MICAL2: variants seen among roughly 807,000 people sequenced by gnomAD.
The protein encoded by MICAL2 is [F-actin]-monooxygenase MICAL2.
In MICAL2, 77 loss-of-function variants were observed where a neutral mutation model predicts 127.3. That is an observed-to-expected ratio of 0.60 (90% CI 0.50 to 0.73). The LOEUF is 0.73. MICAL2 is among the 30% of genes least tolerant of loss of function. The pLI is 0.00. For missense variants in MICAL2, 1,351 were observed against 1,434.4 expected, an observed-to-expected ratio of 0.94 and a Z score of 0.94; for synonymous variants, 570 against 551.1, an observed-to-expected ratio of 1.03 and a Z score of -0.48.
At chr11:12,124,253 C>G (rs954378229) in intron 1 of MICAL2, among the ~76,000 whole-genome samples, 7 of 152,100 alleles carry the variant, frequency 4.6e-5, no homozygotes, top group Non-Finnish European at 5.9e-5. Flanking sequence ...AAATGCTTAT[C>G]GAAGGGACCC....
At chr11:12,251,577 TAA>T (rs536942703) in intron 22 of MICAL2, among the ~76,000 whole-genome samples, 37,337 of 93,014 alleles carry the variant, frequency 0.4, 7,786 homozygotes, top group Middle Eastern at 0.47. Flanking sequence ...CATTTCACTT[TAA>T]AAAAAAAAAA....
Position 12,251,577 on chromosome 11 carries a change from TAAAAAAAAAAAA to T in MICAL2, c.2847+2347_2847+2358del, listed in dbSNP as rs536942703. ...CCTTAAGGGTGCTTCCATTTCACTT[TAAAAAAAAAAAA>T]AAAAAAAAAAAAAAAGGAATGTCAC... On this transcript the variant is annotated intron_variant, in intron 22 of 27. Coordinates refer to ENST00000683283, the MANE Select transcript of MICAL2 (RefSeq NM_001282663.2). Among the ~76,000 whole-genome samples, 26 of 93,840 alleles carry T rather than the reference TAAAAAAAAAAAA, an allele frequency of 2.8e-4. No homozygotes were observed. The South Asian group carries it at 3.6e-3, about 13-fold the overall frequency. 61.6% of individuals were successfully genotyped at this position (93,840 alleles called of 152,430 possible).
chr11:12,243,389 T>A (rs867721968), intron 20 of MICAL2: 1 of 153,194 alleles, frequency 6.5e-6, no homozygotes, highest in Non-Finnish European at 1.5e-5. Flanking sequence ...GAGTTGATAA[T>A]GAGATCCTAC....
intron 21 of MICAL2, among the ~76,000 whole-genome samples, chr11:12,245,547 A>G (rs1860621420): frequency 6.6e-6 from 1 of 152,236 alleles, no homozygotes; most frequent in African/African-American, 2.4e-5. Context: ...GCACCCCAGA[A>G]AGGGCAGCAG....
intron 3 of MICAL2, among the ~76,000 whole-genome samples, chr11:12,199,996 A>G (rs570055875): frequency 4.3e-4 from 66 of 152,256 alleles, no homozygotes; most frequent in Non-Finnish European, 8.1e-4. Context: ...TGAACCCCCA[A>G]CTGGTGTGAA....
intron 3 of MICAL2, 146 bp downstream of exon 3, chr11:12,162,565 T>C: frequency 8.9e-7 from 1 of 1,124,688 alleles, no homozygotes; most frequent in South Asian, 1.7e-5. Context: ...AAGGTTTCCT[T>C]TGTCTCTAAG....
At chr11:12,361,571 T>G (rs149407166), downstream of MICAL2, among the ~76,000 whole-genome samples, 128 of 152,288 alleles carry the variant, frequency 8.4e-4, no homozygotes, top group African/African-American at 2.8e-3. Context: ...TCATCTCAGG[T>G]TGTACTGTTC....
intron 3 of MICAL2, among the ~76,000 whole-genome samples, chr11:12,169,296 C>T (rs1195660792): frequency 2.6e-5 from 4 of 152,148 alleles, no homozygotes; most frequent in African/African-American, 9.7e-5. Flanking sequence ...ATTGCTTTAT[C>T]TCAGTAGGTG....
At chr11:12,262,350 C>T (rs1863242336) in intron 26 of MICAL2, 130 bp from the exon 27 acceptor site, 1 of 1,534,910 alleles carries the variant, frequency 6.5e-7, no homozygotes. Flanking sequence ...AGGAAGTTTC[C>T]CTCTTTCAAT....
chr11:12,236,846 C>T (rs1231331923), intron 16 of MICAL2, among the ~76,000 whole-genome samples: 3 of 152,130 alleles, frequency 2.0e-5, no homozygotes, highest in Non-Finnish European at 1.5e-5. Flanking sequence ...GAGATATACA[C>T]GTCATTCAAA....
chr11:12,123,541 T>C (rs1420161427), intron 1 of MICAL2, among the ~76,000 whole-genome samples: 1 of 152,234 alleles, frequency 6.6e-6, no homozygotes, highest in East Asian at 1.9e-4. Flanking sequence ...TATTGGCTCC[T>C]GAAATGTTTT....
intron 17 of MICAL2, 122 bp from the exon 18 acceptor site, chr11:12,240,918 T>G (rs1309274295): frequency 7.6e-7 from 1 of 1,307,724 alleles, no homozygotes; most frequent in Non-Finnish European, 1.1e-6. Context: ...GTGCTTCCTC[T>G]GCACTTGCAA....
chr11:12,187,956 G>T (rs1345800642), intron 3 of MICAL2, among the ~76,000 whole-genome samples: 1 of 152,132 alleles, frequency 6.6e-6, no homozygotes, highest in Admixed American at 6.5e-5. Context: ...GACCCCAGAG[G>T]TTGTCTGTGA....
At chr11:12,162,862 G>T (rs1854995458) in intron 3 of MICAL2, among the ~76,000 whole-genome samples, 1 of 152,194 alleles carries the variant, frequency 6.6e-6, no homozygotes, top group African/African-American at 2.4e-5. Context: ...CAACTAGAGG[G>T]CAACCTTAGT....
chr11:12,176,250 C>T (rs577215603), intron 3 of MICAL2, among the ~76,000 whole-genome samples: 129 of 152,262 alleles, frequency 8.5e-4, no homozygotes, highest in Non-Finnish European at 1.4e-3. Flanking sequence ...GAAGAAAAAA[C>T]CTTCCTGAAT....
intron 1 of MICAL2, among the ~76,000 whole-genome samples, chr11:12,132,298 ACT>A (rs1306488862): frequency 6.6e-6 from 1 of 151,632 alleles, no homozygotes; most frequent in African/African-American, 2.4e-5. Context: ...TGAACATTCC[ACT>A]CTCTTTCAGA....
At chr11:12,287,463 A>G (rs569743149), downstream of MICAL2, 7 of 254,400 alleles carry the variant, frequency 2.8e-5, no homozygotes, top group East Asian at 5.0e-4. Flanking sequence ...ATTGCCTCTA[A>G]GCTTTTTGAA....
intron 3 of MICAL2, among the ~76,000 whole-genome samples, chr11:12,190,524 T>C (rs1257708292): frequency 6.6e-6 from 1 of 152,214 alleles, no homozygotes; most frequent in East Asian, 1.9e-4. Flanking sequence ...TATTTTCAGC[T>C]TTGATTCCTT....
chr11:12,226,342 C>T lies in MICAL2; in HGVS notation c.1860C>T (p.Leu620=), dbSNP rs774873429. The T allele has an allele frequency of 3.7e-6, 6 of 1,614,106 alleles. No homozygotes were observed. Among genetic ancestry groups the T allele is most frequent in the Non-Finnish European group, 5.1e-6 (6 of 1,179,956 alleles). The change falls in exon 14 of 28, where the codon CTC becomes CTT. Residue 620 remains leucine (L), a synonymous_variant. Transcript: ENST00000683283. ...TGTACCTCTCCAAGTTCTACGAGCT[C>T]TTCCGGGGCACCCCACTGAGGCCCG... is the stretch of plus-strand genomic sequence containing the variant. ...MVMYLSKFYE[L]FRGTPLRPVD...
Sources: gnomAD v4.1 joint callset for allele counts (sites outside exome capture counted in the v4.1 genomes callset) on GRCh38, gnomAD v4.1.1 for gene constraint, MANE v1.5 for transcripts, NCBI Gene and HGNC (gene_info 2026-07-23, HGNC 2026-07-21) for gene names.